SLC16A7: variants seen among roughly 807,000 people sequenced by gnomAD.
The protein encoded by SLC16A7 is solute carrier family 16 member 7, also known as monocarboxylate transporter 2.
In SLC16A7, 33 loss-of-function variants were observed where a neutral mutation model predicts 34.9. The observed-to-expected ratio is 0.94, with a 90% CI of 0.72 to 1.26. The LOEUF (loss-of-function observed/expected upper bound fraction) is 1.26, where lower values mean the gene tolerates loss of function less well. Among genes scored for constraint, SLC16A7 ranks in the 50% most tolerant of loss-of-function variants. The pLI is 0.00. For missense variants in SLC16A7, 573 were observed against 578.1 expected (o/e 0.99, Z 0.09); for synonymous variants, 201 against 206.6 (o/e 0.97, Z 0.23).
intron 3 of SLC16A7, among the ~76,000 whole-genome samples, chr12:59,756,905 A>G (rs1592655767): frequency 7.7e-6 from 1 of 129,268 alleles, no homozygotes; most frequent in East Asian, 2.1e-4. Flanking sequence ...GCACATATAC[A>G]CCATAGAATA....
At chr12:59,691,674 C>T (rs949909133) in intron 2 of SLC16A7, among the ~76,000 whole-genome samples, 3 of 151,974 alleles carry the variant, frequency 2.0e-5, no homozygotes, top group Non-Finnish European at 4.4e-5. Context: ...TTCTGTTCTA[C>T]ATCTTACTTT....
chr12:59,783,195 G>C lies in SLC16A7; in HGVS notation c.*3516G>C, dbSNP rs1241230815. The C allele has an allele frequency of 6.6e-6, 1 of 151,910 alleles. No individual in the cohort carries two copies. The highest frequency in any genetic ancestry group is 1.9e-4 in the East Asian group (1 of 5,198). The allele number at this position is 151,910 out of a possible 1,614,324, so 9.4% of individuals were successfully genotyped here. Reference sequence around the variant, plus strand: ...CCCTTTCATATGTAGAATGTGGAAGGCTTTTAATAAAACAAAAATTATTAT... The same window carrying C: ...CCCTTTCATATGTAGAATGTGGAAGCCTTTTAATAAAACAAAAATTATTAT... On this transcript the variant is annotated 3_prime_UTR_variant, in exon 6 of 6. Transcript: ENST00000547379.
intron 3 of SLC16A7, among the ~76,000 whole-genome samples, chr12:59,726,400 A>G (rs949986363): frequency 2.0e-5 from 3 of 152,142 alleles, no homozygotes; most frequent in Admixed American, 6.6e-5. Flanking sequence ...ATGGCTTTCA[A>G]GTAGATCTTC....
chr12:59,722,332 G>C (rs141895372), intron 3 of SLC16A7, among the ~76,000 whole-genome samples: 2 of 151,942 alleles, frequency 1.3e-5, no homozygotes, highest in East Asian at 3.9e-4. Flanking sequence ...CTCTGCTGCT[G>C]TTACCTGGCC....
At chr12:59,767,860 G>T (rs368872586) in intron 3 of SLC16A7, among the ~76,000 whole-genome samples, 1 of 148,988 alleles carries the variant, frequency 6.7e-6, no homozygotes, top group African/African-American at 2.5e-5. Flanking sequence ...ACCAATCACC[G>T]CATGTTCTCA....
intron 1 of SLC16A7, among the ~76,000 whole-genome samples, chr12:59,607,280 T>A (rs1878990149): frequency 6.6e-6 from 1 of 152,184 alleles, no homozygotes; most frequent in African/African-American, 2.4e-5. Context: ...ATGGATAGTC[T>A]TTAGTTAAGA....
At chr12:59,637,793 A>C (rs1014115942) in intron 1 of SLC16A7, among the ~76,000 whole-genome samples, 3 of 152,166 alleles carry the variant, frequency 2.0e-5, no homozygotes, top group African/African-American at 7.2e-5. Context: ...TGATTAGGTC[A>C]TAAGGGCTCT....
chr12:59,749,979 T>C (rs1419194242), intron 3 of SLC16A7, among the ~76,000 whole-genome samples: 1 of 152,178 alleles, frequency 6.6e-6, no homozygotes, highest in Admixed American at 6.5e-5. Flanking sequence ...ATTCCCTATT[T>C]AACAAATGGT....
chr12:59,624,585 A>G (rs1333332060), intron 1 of SLC16A7, among the ~76,000 whole-genome samples: 4 of 151,804 alleles, frequency 2.6e-5, no homozygotes, highest in Non-Finnish European at 5.9e-5. Context: ...GTAAACTCCC[A>G]AACATTGTCA....
In SLC16A7 at chr12:59,774,937, A is replaced by C; in HGVS notation, c.642A>C (p.Thr214=). The C allele has an allele frequency of 6.2e-7, 1 of 1,613,992 alleles. No homozygotes were observed. The highest frequency in any genetic ancestry group is 8.5e-7 in the Non-Finnish European group (1 of 1,179,946). Residue 214 remains threonine (T), a synonymous_variant, in exon 5 of 6, where the codon ACA becomes ACC. Transcript: ENST00000547379. ...AGTCTAAAAATAAGACTGGCAAAACAGAAGATGATTCAAGCCCAAAGAAAA... is the reference window on the plus strand; with the variant it reads ...AGTCTAAAAATAAGACTGGCAAAACCGAAGATGATTCAAGCCCAAAGAAAA... ...TSKSKNKTGK[T]EDDSSPKKIK...
rs1351676286 is a variant in SLC16A7, at chr12:59,781,723, C to G, written c.*2044C>G. On this transcript the variant is annotated 3_prime_UTR_variant, in exon 6 of 6. Coordinates refer to ENST00000547379, the MANE Select transcript of SLC16A7 (RefSeq NM_001270623.2). ...TCTTTTTTATTCAACTCAGATTTGT[C>G]AAGAAATGTAACCTCTAAATTGTGT... The G allele has an allele frequency of 6.6e-6, 1 of 152,434 alleles. No individual in the cohort carries two copies. The highest frequency in any genetic ancestry group is 2.1e-4 in the South Asian group (1 of 4,804). The allele number at this position is 152,434 out of a possible 1,614,324, so 9.4% of individuals were successfully genotyped here. A position where few individuals can be genotyped will look rare whatever the true frequency, so the allele number is the denominator to read the frequency against.
At chr12:59,630,169 G>A (rs1362198728) in intron 1 of SLC16A7, among the ~76,000 whole-genome samples, 2 of 151,738 alleles carry the variant, frequency 1.3e-5, no homozygotes, top group Non-Finnish European at 2.9e-5. Flanking sequence ...TCTCTGTTGT[G>A]GTCACTTTCC....
intron 3 of SLC16A7, among the ~76,000 whole-genome samples, chr12:59,752,772 TCGAGAAGAG>T (rs761019537): frequency 6.6e-6 from 1 of 152,026 alleles, no homozygotes; most frequent in Non-Finnish European, 1.5e-5. Context: ...AAGATATTCC[TCGAGAAGAG>T]CAACTCCAAG....
At chr12:59,688,897 T>C (rs1344796451) in intron 2 of SLC16A7, among the ~76,000 whole-genome samples, 1 of 151,996 alleles carries the variant, frequency 6.6e-6, no homozygotes, top group Non-Finnish European at 1.5e-5. Context: ...GGCAAATAAG[T>C]AAATGTGTAA....
intron 3 of SLC16A7, among the ~76,000 whole-genome samples, chr12:59,748,448 T>C (rs1422994031): frequency 6.6e-6 from 1 of 152,192 alleles, no homozygotes; most frequent in Non-Finnish European, 1.5e-5. Context: ...GTGACACTTA[T>C]CTCTATGTGA....
chr12:59,597,319 G>A (rs948736133), intron 1 of SLC16A7: 3 of 151,074 alleles, frequency 2.0e-5, no homozygotes, highest in Non-Finnish European at 4.4e-5. Flanking sequence ...ATTGTTTTTT[G>A]ATTTCCTTTC....
At chr12:59,765,718 C>A (rs1459141382) in intron 3 of SLC16A7, among the ~76,000 whole-genome samples, 1 of 152,132 alleles carries the variant, frequency 6.6e-6, no homozygotes, top group Non-Finnish European at 1.5e-5. Context: ...CAGTATCATG[C>A]CGTTTTGGTG....
chr12:59,740,538 T>C (rs1281699945), intron 3 of SLC16A7, among the ~76,000 whole-genome samples: 3 of 152,126 alleles, frequency 2.0e-5, no homozygotes, highest in Non-Finnish European at 4.4e-5. Flanking sequence ...TCTCAATAAA[T>C]TAGGTATTGA....
intron 2 of SLC16A7, among the ~76,000 whole-genome samples, chr12:59,657,949 G>A (rs901874897): frequency 1.3e-5 from 2 of 151,906 alleles, no homozygotes; most frequent in African/African-American, 4.8e-5. Flanking sequence ...ATGTGCATAA[G>A]AGCAAACTGT....
Sources: allele counts gnomAD v4.1 joint callset (sites outside exome capture counted in the v4.1 genomes callset), GRCh38; gene constraint gnomAD v4.1.1; transcripts MANE v1.5; gene names NCBI Gene and HGNC (gene_info 2026-07-23, HGNC 2026-07-21).